Variants in HCRTR2 observed in about 807,000 individuals in gnomAD.
HCRTR2 encodes the protein orexin receptor type 2.
A neutral mutation model predicts 49.0 loss-of-function variants in HCRTR2; 22 were observed. The observed-to-expected ratio is 0.45, with a 90% CI of 0.32 to 0.64. HCRTR2 has a LOEUF of 0.64. Among genes scored for constraint, HCRTR2 ranks in the 30% least tolerant of loss-of-function variants. The pLI is 0.04. For missense variants in HCRTR2, 491 were observed against 559.4 expected (o/e 0.88, Z 1.23); for synonymous variants, 236 against 205.3 (o/e 1.15, Z -1.28).
intron 1 of HCRTR2, among the ~76,000 whole-genome samples, chr6:55,144,071 T>C (rs1764544967): frequency 6.7e-6 from 1 of 148,652 alleles, no homozygotes; most frequent in Non-Finnish European, 1.5e-5. Context: ...TAAAAATCAG[T>C]GTGTGACGCC....
chr6:55,267,912 G>A (rs1766892740), intron 4 of HCRTR2, among the ~76,000 whole-genome samples: 1 of 152,140 alleles, frequency 6.6e-6, no homozygotes, highest in Non-Finnish European at 1.5e-5. Context: ...AGGAGCACCA[G>A]TAAAGGTAAC....
At chr6:55,199,709 C>T (rs767292859) in intron 1 of HCRTR2, among the ~76,000 whole-genome samples, 6 of 151,850 alleles carry the variant, frequency 4.0e-5, no homozygotes, top group Non-Finnish European at 7.4e-5. Context: ...AAAATATTAA[C>T]AAGAAGTTGT....
chr6:55,266,621 G>A lies in HCRTR2; in HGVS notation c.762+2799G>A, dbSNP rs573707800. On this transcript the variant is annotated intron_variant, in intron 4 of 6. Transcript: ENST00000370862. ...TTATTTTTACTAGTTAGTGTGCATT[G>A]TATAAAAGGTATGCTTATAATTTCT... Among the ~76,000 whole-genome samples the A allele has an allele frequency of 6.1e-5, 9 of 148,358 alleles. No homozygotes were observed. The South Asian group carries it at 1.1e-3, about 18-fold the overall frequency.
chr6:55,130,506 T>C (rs1204489081), intron 1 of HCRTR2, among the ~76,000 whole-genome samples: 1 of 151,854 alleles, frequency 6.6e-6, no homozygotes, highest in Non-Finnish European at 1.5e-5. Flanking sequence ...ACATGGGCTA[T>C]GGGTTGTCTT....
At chr6:55,228,988 T>G (rs907730928) in intron 1 of HCRTR2, among the ~76,000 whole-genome samples, 8 of 152,192 alleles carry the variant, frequency 5.3e-5, no homozygotes, top group African/African-American at 1.9e-4. Context: ...CTTCACTTCC[T>G]TGGTTACTGT....
chr6:55,138,403 A>G (rs1764460309), intron 1 of HCRTR2, among the ~76,000 whole-genome samples: 1 of 152,228 alleles, frequency 6.6e-6, no homozygotes, highest in African/African-American at 2.4e-5. Flanking sequence ...GATCAAATTA[A>G]TGAATAACTT....
chr6:55,267,228 T>C (rs1766876107), intron 4 of HCRTR2, among the ~76,000 whole-genome samples: 1 of 152,188 alleles, frequency 6.6e-6, no homozygotes, highest in Non-Finnish European at 1.5e-5. Context: ...GAGCTTGTCC[T>C]ATTTGCTTAA....
intron 1 of HCRTR2, among the ~76,000 whole-genome samples, chr6:55,111,902 C>A (rs546810520): frequency 6.6e-6 from 1 of 152,068 alleles, no homozygotes; most frequent in South Asian, 2.1e-4. Flanking sequence ...CATTGCAATT[C>A]TAGCTAACTG....
intron 1 of HCRTR2, among the ~76,000 whole-genome samples, chr6:55,211,747 C>T (rs1765699564): frequency 6.6e-6 from 1 of 152,134 alleles, no homozygotes; most frequent in African/African-American, 2.4e-5. Flanking sequence ...TGTGGAGCTT[C>T]CTGACCAACT....
chr6:55,277,226 C>G (rs185464690), intron 4 of HCRTR2, among the ~76,000 whole-genome samples, 154 bp from the exon 5 acceptor site: 1 of 152,186 alleles, frequency 6.6e-6, no homozygotes, highest in African/African-American at 2.4e-5. Flanking sequence ...CAAGCACATA[C>G]TAAGGTCAGC....
At chr6:55,177,860 T>G (rs1314180275) in intron 1 of HCRTR2, among the ~76,000 whole-genome samples, 10 of 152,190 alleles carry the variant, frequency 6.6e-5, no homozygotes, top group Non-Finnish European at 1.5e-4. Flanking sequence ...AGTAAAGTTT[T>G]AAATAGAATG....
chr6:55,130,666 GCACATAGAAC>G (rs1764343078), intron 1 of HCRTR2, among the ~76,000 whole-genome samples: 1 of 151,736 alleles, frequency 6.6e-6, no homozygotes. Flanking sequence ...TCTTAACAAA[GCACATAGAAC>G]CTGGCCTTGG....
intron 1 of HCRTR2, among the ~76,000 whole-genome samples, chr6:55,220,393 T>C (rs189906577): frequency 6.6e-6 from 1 of 152,320 alleles, no homozygotes; most frequent in Admixed American, 6.5e-5. Context: ...GAATGATGAA[T>C]GGTTTAACAT....
chr6:55,279,447 T>C (rs772556499), intron 5 of HCRTR2, among the ~76,000 whole-genome samples: 12 of 151,538 alleles, frequency 7.9e-5, no homozygotes, highest in Admixed American at 2.0e-4. Context: ...AAAACTCTAG[T>C]ACTCTTTATA....
chr6:55,237,402 G>T (rs963025024), intron 1 of HCRTR2, among the ~76,000 whole-genome samples: 25 of 152,202 alleles, frequency 1.6e-4, no homozygotes, highest in African/African-American at 5.8e-4. Context: ...GTCTACTTCA[G>T]ATTTATCCCT....
chr6:55,268,910 G>A (rs1766914700), intron 4 of HCRTR2, among the ~76,000 whole-genome samples: 1 of 151,930 alleles, frequency 6.6e-6, no homozygotes, highest in East Asian at 1.9e-4. Flanking sequence ...CTAACATGGT[G>A]AAACCTCGTC....
chr6:55,184,924 G>A (rs547644848), intron 1 of HCRTR2, among the ~76,000 whole-genome samples: 1 of 152,182 alleles, frequency 6.6e-6, no homozygotes, highest in African/African-American at 2.4e-5. Flanking sequence ...TCATCAATTC[G>A]GAATGAATTT....
chr6:55,270,274 T>C (rs1766948755), intron 4 of HCRTR2, among the ~76,000 whole-genome samples: 1 of 152,230 alleles, frequency 6.6e-6, no homozygotes, highest in Non-Finnish European at 1.5e-5. Context: ...TAGATAATGT[T>C]CCTTCAACAT....
chr6:55,274,726 T>G (rs188503792), intron 4 of HCRTR2, among the ~76,000 whole-genome samples: 229 of 152,250 alleles, frequency 1.5e-3, no homozygotes, highest in African/African-American at 5.3e-3. Flanking sequence ...TATTTATATA[T>G]TGCAGGATTT....
Sources: allele counts gnomAD v4.1 joint callset (sites outside exome capture counted in the v4.1 genomes callset), GRCh38; gene constraint gnomAD v4.1.1; transcripts MANE v1.5; gene names NCBI Gene and HGNC (gene_info 2026-07-23, HGNC 2026-07-21).